SEMA6D: variants seen among roughly 807,000 people sequenced by gnomAD.
SEMA6D encodes the protein semaphorin 6D, also known as semaphorin-6D.
Under a neutral mutation model 106.6 loss-of-function variants are expected in SEMA6D, and 35 were observed. That is an observed-to-expected ratio of 0.33 (90% CI 0.25 to 0.44). The LOEUF is 0.44. Ranked by LOEUF, SEMA6D falls within the 20% of genes least tolerant of loss-of-function variation. SEMA6D has a pLI of 1.00. For missense variants in SEMA6D, 1,185 were observed against 1,345.9 expected (o/e 0.88, Z 1.87); for synonymous variants, 499 against 487.7 (o/e 1.02, Z -0.31).
intron 3 of SEMA6D, among the ~76,000 whole-genome samples, chr15:47,497,823 G>C (rs2043720182): frequency 6.6e-6 from 1 of 152,080 alleles, no homozygotes; most frequent in Non-Finnish European, 1.5e-5. Context: ...TCTTTCTACT[G>C]TTTCATCTCC....
chr15:47,578,944 C>A (rs1179751441), intron 3 of SEMA6D, among the ~76,000 whole-genome samples: 4 of 152,056 alleles, frequency 2.6e-5, no homozygotes, highest in African/African-American at 9.7e-5. Flanking sequence ...CACCACCTAT[C>A]TTGCATATGT....
intron 3 of SEMA6D, among the ~76,000 whole-genome samples, chr15:47,589,215 C>T (rs1300021426): frequency 1.3e-5 from 2 of 152,312 alleles, no homozygotes; most frequent in Middle Eastern, 3.4e-3. Flanking sequence ...ACCACTCCCA[C>T]CACACCACCT....
intron 2 of SEMA6D, among the ~76,000 whole-genome samples, chr15:47,456,292 A>G (rs2042344400): frequency 1.3e-5 from 2 of 151,960 alleles, no homozygotes; most frequent in Non-Finnish European, 2.9e-5. Flanking sequence ...GAGTCCATGA[A>G]CTTGTATAAG....
chr15:47,639,990 T>C (rs1479611397), intron 4 of SEMA6D, among the ~76,000 whole-genome samples: 1 of 152,202 alleles, frequency 6.6e-6, no homozygotes, highest in African/African-American at 2.4e-5. Flanking sequence ...ACTATGATGT[T>C]AGTTAACAAT....
intron 1 of SEMA6D, among the ~76,000 whole-genome samples, chr15:47,265,558 T>G (rs2142160452): frequency 6.6e-6 from 1 of 151,210 alleles, no homozygotes; most frequent in Non-Finnish European, 1.5e-5. Flanking sequence ...ATGGCTACTT[T>G]AAAATCTTCT....
intron 3 of SEMA6D, among the ~76,000 whole-genome samples, chr15:47,583,060 G>A (rs1197150005): frequency 1.3e-5 from 2 of 152,134 alleles, no homozygotes; most frequent in African/African-American, 2.4e-5. Context: ...TCAGTGCTAG[G>A]AATTAATCTA....
chr15:47,560,702 A>G (rs1266512799), intron 3 of SEMA6D, among the ~76,000 whole-genome samples: 1 of 152,228 alleles, frequency 6.6e-6, no homozygotes, highest in Non-Finnish European at 1.5e-5. Flanking sequence ...GAACCTGTAA[A>G]TGTGACCTAA....
chr15:47,451,365 A>C, intron 2 of SEMA6D, among the ~76,000 whole-genome samples: 1 of 152,012 alleles, frequency 6.6e-6, no homozygotes, highest in East Asian at 1.9e-4. Flanking sequence ...ACTTGAGTAG[A>C]ATCTTGGTGA....
At chr15:47,766,581 T>G in intron 15 of SEMA6D, 35 bp from the exon 16 acceptor site, 2 of 1,610,492 alleles carry the variant, frequency 1.2e-6, no homozygotes, top group Admixed American at 1.7e-5. Flanking sequence ...ATGAAGGCTG[T>G]TAACCGAAGA....
intron 1 of SEMA6D, among the ~76,000 whole-genome samples, chr15:47,240,145 G>A (rs2032816419): frequency 6.6e-6 from 1 of 152,080 alleles, no homozygotes; most frequent in South Asian, 2.1e-4. Context: ...AGTTGTCCGT[G>A]TACCAGCTTT....
intron 1 of SEMA6D, among the ~76,000 whole-genome samples, chr15:47,310,361 G>C (rs962041348): frequency 6.6e-6 from 1 of 152,148 alleles, no homozygotes; most frequent in African/African-American, 2.4e-5. Flanking sequence ...AAAGATGTTA[G>C]ATTTCTAGTC....
intron 1 of SEMA6D, among the ~76,000 whole-genome samples, chr15:47,216,845 T>C (rs1298024475): frequency 1.3e-5 from 2 of 151,916 alleles, no homozygotes; most frequent in Non-Finnish European, 2.9e-5. Context: ...GCAAAAAAAA[T>C]TAGAAATTTG....
rs3050565 is a variant in SEMA6D, at chr15:47,551,673, C to CTGTGTGTGTGTGTGTGTGTGTGTGTG, written c.-86-49190_-86-49165dup. ...CCATCGAAGTCTAACATCTGGGACT[C>CTGTGTGTGTGTGTGTGTGTGTGTGTG]TGTGTGTGTGTGTGTGTGTGTGTGT... On this transcript the variant is annotated intron_variant, in intron 3 of 19. Coordinates refer to the SEMA6D transcript ENST00000558014. Among the ~76,000 whole-genome samples the CTGTGTGTGTGTGTGTGTGTGTGTGTG allele has an allele frequency of 3.0e-3, 425 of 141,348 alleles. 4 individuals carry two copies. The highest frequency in any genetic ancestry group is 0.01 in the Middle Eastern group (3 of 286). 92.7% of individuals were successfully genotyped at this position (141,348 alleles called of 152,430 possible). A position where few individuals can be genotyped will look rare whatever the true frequency, so the allele number is the denominator to read the frequency against.
intron 2 of SEMA6D, among the ~76,000 whole-genome samples, chr15:47,420,039 A>G (rs2041102149): frequency 6.6e-6 from 1 of 152,084 alleles, no homozygotes; most frequent in Non-Finnish European, 1.5e-5. Flanking sequence ...AAGAACATGA[A>G]GAGCTGTCAG....
chr15:47,601,889 A>C (rs2076667506), intron 4 of SEMA6D, among the ~76,000 whole-genome samples: 1 of 152,216 alleles, frequency 6.6e-6, no homozygotes, highest in African/African-American at 2.4e-5. Flanking sequence ...TAAGTTTCAG[A>C]TCATAGAAAA....
intron 1 of SEMA6D, among the ~76,000 whole-genome samples, chr15:47,397,042 CT>C (rs1206450667): frequency 6.6e-6 from 1 of 152,178 alleles, no homozygotes; most frequent in Non-Finnish European, 1.5e-5. Flanking sequence ...GTGGGGTCCT[CT>C]TGGGCCTATT....
intron 1 of SEMA6D, among the ~76,000 whole-genome samples, chr15:47,215,678 A>G (rs536574554): frequency 2.6e-5 from 4 of 152,302 alleles, no homozygotes; most frequent in African/African-American, 7.2e-5. Flanking sequence ...CAGTTTCACA[A>G]AATTTCAAAA....
rs2081962113 is a variant in SEMA6D, at chr15:47,759,740, TC to T, written c.-54-3del. 8.2e-7 allele frequency: 1 copy of T among 1,226,088 alleles called. No homozygotes were observed. The highest frequency in any genetic ancestry group is 1.7e-5 in the Admixed American group (1 of 59,100). 76.0% of individuals were successfully genotyped at this position (1,226,088 alleles called of 1,614,324 possible). On this transcript the variant is annotated splice_region_variant and splice_polypyrimidine_tract_variant and intron_variant, in intron 1 of 18. Coordinates refer to ENST00000536845, the MANE Select transcript of SEMA6D (RefSeq NM_001358351.3). ...AGATCTTTCCAAACTGCTTCTGTTT[TC>T]CAGGTAGCTCAGTGGCATTTCTGAG...
rs560736943 is a variant in SEMA6D at position 47,443,070 on chromosome 15, G to A, written c.-158-27404G>A. On this transcript the variant is annotated intron_variant, in intron 2 of 19. Coordinates refer to the SEMA6D transcript ENST00000558014. ...GAAAATTAGCCTTCTGCCAGTGAGGGCAGGAAAATGCATTCCAATTTAGCA... is the reference window on the plus strand; with the variant it reads ...GAAAATTAGCCTTCTGCCAGTGAGGACAGGAAAATGCATTCCAATTTAGCA... Among the ~76,000 whole-genome samples, 6 of 152,200 alleles carry A rather than the reference G, an allele frequency of 3.9e-5. No individual in the cohort carries two copies. The South Asian group carries it at 1.0e-3, about 26-fold the overall frequency.
Sources: gnomAD v4.1 joint callset for allele counts (sites outside exome capture counted in the v4.1 genomes callset) on GRCh38, gnomAD v4.1.1 for gene constraint, MANE v1.5 for transcripts, NCBI Gene and HGNC (gene_info 2026-07-23, HGNC 2026-07-21) for gene names.